TULP4: variants seen among roughly 807,000 people sequenced by gnomAD.
TULP4 encodes TUB like protein 4.
In TULP4, 16 loss-of-function variants were observed where a neutral mutation model predicts 129.0. The observed-to-expected ratio is 0.12, with a 90% CI of 0.08 to 0.19. TULP4 has a LOEUF of 0.19. Ranked by LOEUF, TULP4 falls within the 10% of genes least tolerant of loss-of-function variation. The pLI, the probability that TULP4 is intolerant of heterozygous loss-of-function variation, is 1.00. For synonymous variants in TULP4, 998 were observed against 854.0 expected, an observed-to-expected ratio of 1.17 and a Z score of -2.94; for missense variants, 1,842 against 2,059.1, an observed-to-expected ratio of 0.89 and a Z score of 2.04.
At chr6:158,437,536 G>C (rs1778778400) in intron 3 of TULP4, among the ~76,000 whole-genome samples, 1 of 151,698 alleles carries the variant, frequency 6.6e-6, no homozygotes, top group Non-Finnish European at 1.5e-5. Flanking sequence ...CTCCAGCCTG[G>C]GGAACAGAGC....
chr6:158,459,648 T>C (rs1779378826), intron 5 of TULP4, among the ~76,000 whole-genome samples: 1 of 152,176 alleles, frequency 6.6e-6, no homozygotes, highest in Admixed American at 6.5e-5. Flanking sequence ...TTCAAAAAAA[T>C]ATTATTTTAA....
In TULP4 at chr6:158,502,466, C is replaced by G; in HGVS notation, c.2803C>G (p.Pro935Ala). ...GCTCACGGCCACTGAGAAGAAGGTC[C>G]CTCAGCCCTGCAGCAGTGCCACCCT... ...LRLTATEKKV[P>A]QPCSSATLNR... Residue 935 changes from proline (P) to alanine (A), a missense_variant, in exon 13 of 14, where the codon CCT becomes GCT. Transcript: ENST00000367097. 6.2e-7 allele frequency: 1 copy of G among 1,613,564 alleles called. No homozygotes were observed. The highest frequency in any genetic ancestry group is 1.1e-5 in the South Asian group (1 of 91,062).
At chr6:158,475,644 A>C (rs1164407115) in intron 6 of TULP4, among the ~76,000 whole-genome samples, 1 of 152,160 alleles carries the variant, frequency 6.6e-6, no homozygotes. Context: ...TACCTTCAGC[A>C]TGGGTGAGGT....
At chr6:158,437,778 C>T (rs796897220) in intron 3 of TULP4, 1 of 151,482 alleles carries the variant, frequency 6.6e-6, no homozygotes, top group Non-Finnish European at 1.5e-5. Context: ...CCAGAGTATC[C>T]AAGTAATAAA....
intron 6 of TULP4, among the ~76,000 whole-genome samples, chr6:158,473,656 C>G (rs1212061822): frequency 6.6e-6 from 1 of 151,936 alleles, no homozygotes; most frequent in Non-Finnish European, 1.5e-5. Flanking sequence ...GTAGCTGGGA[C>G]TACAGGCATG....
At position 158,452,261 on chromosome 6, in the gene TULP4, G is replaced by A. The variant is rs41266333; in HGVS notation, c.852G>A (p.Gly284=). 4,346 of 1,614,038 alleles carry A rather than the reference G, an allele frequency of 2.7e-3. 11 individuals carry two copies. The highest frequency in any genetic ancestry group is 3.4e-3 in the Non-Finnish European group (3,957 of 1,179,966). ...TGTCTCCCACGGTCATCCGCTCAGG[G>A]CTGAAAGGTACAGAATGCTGCACAC... is the stretch of plus-strand genomic sequence containing the variant. ...DDLSPTVIRS[G]LKEVVAQWCT... Residue 284 remains glycine (G), a synonymous_variant, in exon 5 of 14, where the codon GGG becomes GGA. Coordinates refer to ENST00000367097, the MANE Select transcript of TULP4 (RefSeq NM_020245.5).
At chr6:158,281,214 AT>A (rs56246802), upstream of TULP4, among the ~76,000 whole-genome samples, 49,007 of 143,788 alleles carry the variant, frequency 0.34, 8,555 homozygotes, top group East Asian at 0.59. Flanking sequence ...TCCTGCCGTA[AT>A]TTTTTTTTTT....
chr6:158,237,752 T>C (rs193018532), intron 1 of TULP4: 1 of 824,902 alleles, frequency 1.2e-6, no homozygotes, highest in East Asian at 2.4e-5. Context: ...CCCTTCCAAA[T>C]GTATGTAGCA....
Position 158,241,115 on chromosome 6 carries a change from C to T in TULP4, n.68+8812C>T, listed in dbSNP as rs369822502. On this transcript the variant is annotated intron_variant and non_coding_transcript_variant, in intron 1 of 1. Transcript: ENST00000620026. ...GCTCCTCACGTCCCAGAGGGGGCGGCGGGGCAGAGGCGCTCCCCACATCTC... is the reference window on the plus strand; with the variant it reads ...GCTCCTCACGTCCCAGAGGGGGCGGTGGGGCAGAGGCGCTCCCCACATCTC... Among the ~76,000 whole-genome samples, 257 of 135,644 alleles carry T rather than the reference C, an allele frequency of 1.9e-3. 14 individuals carry two copies. In the East Asian group the frequency reaches 0.052, roughly 27 times the overall value. The allele number at this position is 135,644 out of a possible 152,430, so 89.0% of individuals were successfully genotyped here.
At chr6:158,457,680 C>T (rs996056537) in intron 5 of TULP4, among the ~76,000 whole-genome samples, 2 of 152,196 alleles carry the variant, frequency 1.3e-5, no homozygotes, top group South Asian at 2.1e-4. Flanking sequence ...TCATCCCACA[C>T]TTGCCTTGAA....
Position 158,492,526 on chromosome 6 carries a change from G to A in TULP4, c.1632-1047G>A, listed in dbSNP as rs542323970. Among the ~76,000 whole-genome samples the A allele has an allele frequency of 4.6e-5, 7 of 152,124 alleles. No homozygotes were observed. The East Asian group carries it at 1.2e-3, about 25-fold the overall frequency. On this transcript the variant is annotated intron_variant, in intron 9 of 13. Coordinates refer to ENST00000367097, the MANE Select transcript of TULP4 (RefSeq NM_020245.5). ...TTCCAAAGTGCTTTTTTCCCATTAT[G>A]TAAGCAGAGAGGACATCTAATGCAT...
intron 1 of TULP4, among the ~76,000 whole-genome samples, chr6:158,265,706 C>T (rs1778433940): frequency 6.6e-6 from 1 of 151,548 alleles, no homozygotes; most frequent in Admixed American, 6.6e-5. Context: ...AAAATTTTGG[C>T]TCAAGTAAGG....
At chr6:158,352,459 C>T (rs62437392) in intron 1 of TULP4, among the ~76,000 whole-genome samples, 11,168 of 152,248 alleles carry the variant, frequency 0.073, 560 homozygotes, top group Non-Finnish European at 0.11. Context: ...TGCAGTGGCA[C>T]GATCTCGGCT....
chr6:158,357,842 G>A (rs1339895999), intron 1 of TULP4, among the ~76,000 whole-genome samples: 1 of 152,104 alleles, frequency 6.6e-6, no homozygotes, highest in African/African-American at 2.4e-5. Context: ...GTAAAATTTA[G>A]GACCTTAGTT....
chr6:158,312,052 T>C, upstream of TULP4: 2 of 396,802 alleles, frequency 5.0e-6, no homozygotes, highest in Non-Finnish European at 8.9e-6. Context: ...TTTAAACAGA[T>C]TTGTAAGACT....
intron 1 of TULP4, among the ~76,000 whole-genome samples, chr6:158,404,471 T>C (rs1224697310): frequency 6.6e-6 from 1 of 152,102 alleles, no homozygotes; most frequent in Non-Finnish European, 1.5e-5. Flanking sequence ...CATGTATAAT[T>C]AAGGTATAAA....
At chr6:158,447,066 C>T (rs539048816) in intron 3 of TULP4, among the ~76,000 whole-genome samples, 1 of 152,240 alleles carries the variant, frequency 6.6e-6, no homozygotes, top group East Asian at 1.9e-4. Flanking sequence ...CACAATCCCA[C>T]AGTAAAGGGA....
intron 1 of TULP4, among the ~76,000 whole-genome samples, chr6:158,369,854 C>T (rs1777034325): frequency 6.6e-6 from 1 of 152,070 alleles, no homozygotes; most frequent in Non-Finnish European, 1.5e-5. Flanking sequence ...CCTTTTCCAT[C>T]TTTGACTTTT....
intron 1 of TULP4, among the ~76,000 whole-genome samples, chr6:158,363,599 TTAGCCTCCTGAG>T (rs1318041305): frequency 6.6e-6 from 1 of 152,200 alleles, no homozygotes; most frequent in Non-Finnish European, 1.5e-5. Flanking sequence ...TTCTCCTGCC[TTAGCCTCCTGAG>T]TAGCTGGGAC....
Sources: allele counts gnomAD v4.1 joint callset (sites outside exome capture counted in the v4.1 genomes callset), GRCh38; gene constraint gnomAD v4.1.1; transcripts MANE v1.5; gene names NCBI Gene and HGNC (gene_info 2026-07-23, HGNC 2026-07-21).